The following CDH13 variants were observed in gnomAD, a reference collection of about 807,000 sequenced individuals.
The protein encoded by CDH13 is cadherin-13.
In CDH13, 24 loss-of-function variants were observed where a neutral mutation model predicts 63.8. That is an observed-to-expected ratio of 0.38 (90% CI 0.27 to 0.53). The LOEUF (loss-of-function observed/expected upper bound fraction) is 0.53, where lower values mean the gene tolerates loss of function less well. Among genes scored for constraint, CDH13 ranks in the 20% least tolerant of loss-of-function variants. The pLI, the probability that CDH13 is intolerant of heterozygous loss-of-function variation, is 0.85. For synonymous variants in CDH13, 503 were observed against 355.3 expected (o/e 1.42, Z -4.67); for missense variants, 1,049 against 903.1 (o/e 1.16, Z -2.07).
intron 6 of CDH13, among the ~76,000 whole-genome samples, chr16:83,403,962 A>G (rs930755080): frequency 6.6e-6 from 1 of 152,250 alleles, no homozygotes; most frequent in African/African-American, 2.4e-5. Flanking sequence ...ACCTATGTGT[A>G]ATAAATCAAC....
chr16:83,127,551 G>A (rs60460047), intron 4 of CDH13, among the ~76,000 whole-genome samples: 4,557 of 152,120 alleles, frequency 0.03, 185 homozygotes, highest in African/African-American at 0.088. Context: ...CCAACGTGGC[G>A]AAACCCCGTC....
At chr16:83,571,242 T>C (rs1175668321) in intron 7 of CDH13, among the ~76,000 whole-genome samples, 1 of 152,138 alleles carries the variant, frequency 6.6e-6, no homozygotes, top group East Asian at 1.9e-4. Context: ...GAAAGCAGTC[T>C]ACATGTTTTA....
At chr16:82,713,044 G>A (rs1477911051) in intron 1 of CDH13, among the ~76,000 whole-genome samples, 1 of 78,804 alleles carries the variant, frequency 1.3e-5, no homozygotes, top group Non-Finnish European at 3.3e-5. Flanking sequence ...GAACCCCGGC[G>A]TGTGTGTGTG....
chr16:83,104,395 C>T (rs981966208), intron 3 of CDH13, among the ~76,000 whole-genome samples: 3 of 152,158 alleles, frequency 2.0e-5, no homozygotes, highest in South Asian at 4.2e-4. Flanking sequence ...ATGTGAGGCT[C>T]TGTAATGCGA....
At chr16:83,380,276 A>T (rs1002990899) in intron 6 of CDH13, among the ~76,000 whole-genome samples, 7 of 152,266 alleles carry the variant, frequency 4.6e-5, no homozygotes, top group Admixed American at 3.3e-4. Context: ...GCAATTCCAG[A>T]TGGTGGGTGT....
At chr16:83,043,793 C>G (rs1416549662) in intron 3 of CDH13, among the ~76,000 whole-genome samples, 1 of 150,344 alleles carries the variant, frequency 6.7e-6, no homozygotes, top group Non-Finnish European at 1.5e-5. Context: ...TGCCATTGCA[C>G]TCTAGTCTGG....
At chr16:82,634,173 G>A (rs555615538) in intron 1 of CDH13, among the ~76,000 whole-genome samples, 1 of 152,360 alleles carries the variant, frequency 6.6e-6, no homozygotes, top group African/African-American at 2.4e-5. Flanking sequence ...CACATGCCTG[G>A]GCAGGGCCCG....
intron 2 of CDH13, among the ~76,000 whole-genome samples, chr16:82,861,544 C>G (rs2039945954): frequency 6.6e-6 from 1 of 152,196 alleles, no homozygotes. Flanking sequence ...TTTGTTCAGA[C>G]AGTAATATTT....
At chr16:83,022,253 A>C (rs1355144672) in intron 2 of CDH13, among the ~76,000 whole-genome samples, 1 of 152,204 alleles carries the variant, frequency 6.6e-6, no homozygotes. Flanking sequence ...TTGCAGATTA[A>C]CCAATATGCA....
intron 5 of CDH13, among the ~76,000 whole-genome samples, chr16:83,278,415 G>A (rs1355627051): frequency 1.3e-5 from 2 of 152,308 alleles, no homozygotes; most frequent in South Asian, 2.1e-4. Flanking sequence ...AAAGGTAGCA[G>A]TATTGTGGTA....
At chr16:83,509,539 G>A (rs2074506059) in intron 7 of CDH13, among the ~76,000 whole-genome samples, 1 of 152,128 alleles carries the variant, frequency 6.6e-6, no homozygotes, top group African/African-American at 2.4e-5. Flanking sequence ...GCAGATGGTG[G>A]GCCAGATTTG....
At chr16:82,673,035 T>A (rs1235467481) in intron 1 of CDH13, among the ~76,000 whole-genome samples, 8 of 114,736 alleles carry the variant, frequency 7.0e-5, no homozygotes, top group Non-Finnish European at 1.3e-4. Flanking sequence ...GATGATGGGG[T>A]CTTCCTGTGT....
At chr16:82,775,862 T>C (rs542945050) in intron 1 of CDH13, among the ~76,000 whole-genome samples, 28 of 152,282 alleles carry the variant, frequency 1.8e-4, no homozygotes, top group Middle Eastern at 3.4e-3. Context: ...TTAGGATGCA[T>C]ACTGATGGCT....
intron 3 of CDH13, among the ~76,000 whole-genome samples, chr16:83,073,354 T>TGTGTGAGA (rs1311548254): frequency 2.9e-5 from 4 of 139,756 alleles, no homozygotes; most frequent in African/African-American, 8.3e-5. Context: ...TGTGTGTGTG[T>TGTGTGAGA]GAGAGAGAGA....
At chr16:83,793,727 G>T (rs370355093) in intron 13 of CDH13, among the ~76,000 whole-genome samples, 3 of 151,724 alleles carry the variant, frequency 2.0e-5, no homozygotes, top group Non-Finnish European at 2.9e-5. Context: ...CAAAAGAATC[G>T]CTCAAACCTG....
intron 2 of CDH13, among the ~76,000 whole-genome samples, chr16:82,961,948 C>A (rs190406488): frequency 6.6e-6 from 1 of 152,112 alleles, no homozygotes; most frequent in Non-Finnish European, 1.5e-5. Context: ...TCGATAGTGC[C>A]AAGGTGGAGA....
In CDH13 at chr16:83,015,671, G is replaced by GTGTA. The variant is rs1555562851; in HGVS notation, c.158-16333_158-16330dup. On this transcript the variant is annotated intron_variant, in intron 2 of 13. Coordinates refer to ENST00000567109, the MANE Select transcript of CDH13 (RefSeq NM_001257.5). ...TTGCAGCATATATGTGTGTGTGTGT[G>GTGTA]TGTATGTATATATATATATATATAT... 5.1e-4 allele frequency among the ~76,000 whole-genome samples: 28 copies of GTGTA among 54,894 alleles called. 1 individual carries two copies. The South Asian group carries it at 0.012, about 24-fold the overall frequency. 36.0% of individuals were successfully genotyped at this position (54,894 alleles called of 152,430 possible).
intron 8 of CDH13, among the ~76,000 whole-genome samples, chr16:83,668,508 A>C (rs1008097998): frequency 7.9e-5 from 12 of 152,338 alleles, no homozygotes; most frequent in Middle Eastern, 3.4e-3. Flanking sequence ...CACATGATTG[A>C]TACCTGGTTT....
chr16:82,833,139 C>T (rs550717280), intron 1 of CDH13, among the ~76,000 whole-genome samples: 2 of 152,152 alleles, frequency 1.3e-5, no homozygotes, highest in Non-Finnish European at 2.9e-5. Context: ...AACTCAGACC[C>T]GTCTCCCAAG....
Sources: gnomAD v4.1 joint callset for allele counts (sites outside exome capture counted in the v4.1 genomes callset) on GRCh38, gnomAD v4.1.1 for gene constraint, MANE v1.5 for transcripts, NCBI Gene and HGNC (gene_info 2026-07-23, HGNC 2026-07-21) for gene names.